Variants in FKBP9 observed in about 807,000 individuals in gnomAD.
FKBP9 encodes FKBP prolyl isomerase 9.
FKBP9 carries 27 observed loss-of-function variants against 55.6 expected under a neutral mutation model. The ratio of observed to expected loss-of-function variants is 0.49; its 90% CI spans 0.36 to 0.67. FKBP9 has a LOEUF of 0.67. Among genes scored for constraint, FKBP9 ranks in the 30% least tolerant of loss-of-function variants. FKBP9 has a pLI of 0.00. For missense variants in FKBP9, 539 were observed against 742.8 expected (o/e 0.73, Z 3.19); for synonymous variants, 267 against 296.5 (o/e 0.90, Z 1.02).
intron 1 of FKBP9, among the ~76,000 whole-genome samples, chr7:32,964,004 C>G (rs1037913356): frequency 5.3e-5 from 8 of 152,254 alleles, no homozygotes; most frequent in African/African-American, 1.9e-4. Context: ...AGCCAGGATG[C>G]AGTCAGGGGG....
At chr7:33,001,241 T>C (rs1320660263) in intron 8 of FKBP9, among the ~76,000 whole-genome samples, 1 of 152,194 alleles carries the variant, frequency 6.6e-6, no homozygotes, top group Non-Finnish European at 1.5e-5. Flanking sequence ...GAAGAAACGC[T>C]TTAAAAATTG....
In FKBP9 at chr7:32,996,259, C is replaced by T. The variant is rs538418163; in HGVS notation, c.1136C>T (p.Pro379Leu). The change falls in exon 7 of 10, where the codon CCC becomes CTC. Residue 379 changes from proline (P) to leucine (L), a missense_variant. This residue lies in a region of FKBP9 where 172 missense variants were observed against 205.3 expected (regional missense o/e 0.84). Coordinates refer to ENST00000242209, the MANE Select transcript of FKBP9 (RefSeq NM_007270.5). ...DSISITSHYK[P>L]PDCSVLSKKG... The stretch of plus-strand genomic sequence containing the variant: ...ATCAGCATCACCTCCCACTACAAAC[C>T]CCCTGACTGCTCAGTGCTGAGTAAG... 1 of 1,614,072 alleles carries T rather than the reference C, an allele frequency of 6.2e-7. No homozygotes were observed. The highest frequency in any genetic ancestry group is 1.3e-5 in the African/African-American group (1 of 75,040).
intron 5 of FKBP9, among the ~76,000 whole-genome samples, chr7:32,984,705 G>A (rs1324816873): frequency 6.6e-6 from 1 of 152,132 alleles, no homozygotes; most frequent in Non-Finnish European, 1.5e-5. Flanking sequence ...GCTCATAAAT[G>A]CTTTCATATT....
intron 7 of FKBP9, among the ~76,000 whole-genome samples, chr7:32,997,756 A>G (rs1784847338): frequency 6.6e-6 from 1 of 152,150 alleles, no homozygotes. Context: ...TGAATCTGGG[A>G]GGTAGAGGTT....
In FKBP9 at chr7:33,003,228, C is replaced by CA. The variant is rs533806938; in HGVS notation, c.1536+390dup. On this transcript the variant is annotated intron_variant, in intron 9 of 9. Transcript: ENST00000242209. ...ACTTGTCCAAGGTCACACATCTACT[C>CA]AGTTGTTTGAGCCAGGACCACACTC... 2.8e-3 allele frequency among the ~76,000 whole-genome samples: 421 copies of CA among 152,306 alleles called. 2 individuals carry two copies. Among genetic ancestry groups the CA allele is most frequent in the African/African-American group, 9.9e-3 (411 of 41,560 alleles).
chr7:32,980,455 G>T lies in FKBP9; in HGVS notation c.795G>T (p.Lys265Asn). 6.2e-7 allele frequency: 1 copy of T among 1,613,864 alleles called. No individual in the cohort carries two copies. Among genetic ancestry groups the T allele is most frequent in the Non-Finnish European group, 8.5e-7 (1 of 1,179,864 alleles). Reference sequence around the variant, plus strand: ...AGGACAGCATTTCCATTGAGAACAAGGTAGTACCTGAAAACTGTGAGCGGA... The same window carrying T: ...AGGACAGCATTTCCATTGAGAACAATGTAGTACCTGAAAACTGTGAGCGGA... ...NPKDSISIEN[K>N]VVPENCERIS... is the part of the protein sequence containing the mutation. The change falls in exon 5 of 10, where the codon AAG (lysine) becomes AAT (asparagine). Residue 265 changes from lysine to asparagine, a missense_variant. Physicochemically the swap from Lys to Asn is moderately conservative, Grantham distance 94 (BLOSUM62 0). This residue lies in a region of FKBP9 where 172 missense variants were observed against 205.3 expected (regional missense o/e 0.84). Coordinates refer to ENST00000242209, the MANE Select transcript of FKBP9 (RefSeq NM_007270.5).
At chr7:32,964,322 A>T (rs1303088964) in intron 1 of FKBP9, among the ~76,000 whole-genome samples, 1 of 152,240 alleles carries the variant, frequency 6.6e-6, no homozygotes, top group Non-Finnish European at 1.5e-5. Flanking sequence ...TTAACAATTT[A>T]ATTTGGCTGT....
At chr7:32,982,982 T>TTG (rs1420090054) in intron 5 of FKBP9, among the ~76,000 whole-genome samples, 3 of 77,836 alleles carry the variant, frequency 3.9e-5, no homozygotes, top group African/African-American at 1.1e-4. Flanking sequence ...GGGTCAAAGG[T>TTG]TATGTGTGTG....
chr7:32,996,265 A>T lies in FKBP9; in HGVS notation c.1142A>T (p.Asp381Val). ...ISITSHYKPPDCSVLSKKGDY... is the reference protein window; with the variant it reads ...ISITSHYKPPVCSVLSKKGDY... ...ATCACCTCCCACTACAAACCCCCTG[A>T]CTGCTCAGTGCTGAGTAAGAAGGGA... The change falls in exon 7 of 10, where the codon GAC becomes GTC. Residue 381 changes from aspartate to valine, a missense_variant. This residue lies in a region of FKBP9 where 172 missense variants were observed against 205.3 expected (regional missense o/e 0.84). Transcript: ENST00000242209. 1 of 1,614,072 alleles carries T rather than the reference A, an allele frequency of 6.2e-7. No individual in the cohort carries two copies. The highest frequency in any genetic ancestry group is 8.5e-7 in the Non-Finnish European group (1 of 1,179,968).
intron 1 of FKBP9, among the ~76,000 whole-genome samples, chr7:32,968,878 G>A (rs1404908771): frequency 6.6e-6 from 1 of 151,526 alleles, no homozygotes; most frequent in Admixed American, 6.6e-5. Flanking sequence ...GGCTGGTCTT[G>A]AACTCCTGAC....
chr7:32,989,785 T>C (rs559637015), intron 6 of FKBP9, among the ~76,000 whole-genome samples: 1 of 152,274 alleles, frequency 6.6e-6, no homozygotes, highest in African/African-American at 2.4e-5. Flanking sequence ...ATCTATGTTC[T>C]AATCCCCAGA....
chr7:32,971,149 C>T (rs1457433234), intron 1 of FKBP9, among the ~76,000 whole-genome samples: 2 of 151,926 alleles, frequency 1.3e-5, no homozygotes, highest in African/African-American at 4.8e-5. Context: ...TAAATGCTTA[C>T]TCCAGAGTGT....
At chr7:32,977,797 A>G (rs1562567210) in intron 4 of FKBP9, among the ~76,000 whole-genome samples, 2 of 143,282 alleles carry the variant, frequency 1.4e-5, no homozygotes, top group Non-Finnish European at 3.0e-5. Flanking sequence ...ATATATATAT[A>G]TATACTTATA....
intron 1 of FKBP9, among the ~76,000 whole-genome samples, chr7:32,959,322 G>T (rs767001760): frequency 6.6e-6 from 1 of 152,218 alleles, no homozygotes; most frequent in Non-Finnish European, 1.5e-5. Context: ...GGAGAATGGC[G>T]TGAACCTGGG....
Position 33,005,829 on chromosome 7 carries a change from T to A in FKBP9, c.*478T>A. 4.3e-6 allele frequency: 1 copy of A among 233,632 alleles called. No homozygotes were observed. The highest frequency in any genetic ancestry group is 8.4e-6 in the Non-Finnish European group (1 of 118,556). The allele number at this position is 233,632 out of a possible 1,614,324, so 14.5% of individuals were successfully genotyped here. On this transcript the variant is annotated 3_prime_UTR_variant, in exon 10 of 10. Coordinates refer to ENST00000242209, the MANE Select transcript of FKBP9 (RefSeq NM_007270.5). ...AAGGGCTTGCTTGCCCCAGCAGAGT[T>A]CCCAGCAGACAGCCATGGCTCTTCC...
chr7:32,964,856 A>G (rs996022614), intron 1 of FKBP9, among the ~76,000 whole-genome samples: 4 of 152,182 alleles, frequency 2.6e-5, no homozygotes, highest in African/African-American at 9.7e-5. Context: ...GTCTGCAGTA[A>G]GATCAGTCTC....
At chr7:32,986,346 G>T (rs1784576014) in intron 5 of FKBP9, among the ~76,000 whole-genome samples, 1 of 152,232 alleles carries the variant, frequency 6.6e-6, no homozygotes. Flanking sequence ...CCTTTGTCGG[G>T]AGCCCACCAC....
Position 33,006,808 on chromosome 7 carries a change from A to T in FKBP9, c.*1457A>T, listed in dbSNP as rs1278345952. The T allele has an allele frequency of 5.0e-6, 1 of 199,440 alleles. No homozygotes were observed. The highest frequency in any genetic ancestry group is 1.0e-5 in the Non-Finnish European group (1 of 96,632). The allele number at this position is 199,440 out of a possible 1,614,324, so 12.4% of individuals were successfully genotyped here. On this transcript the variant is annotated 3_prime_UTR_variant, in exon 10 of 10. Coordinates refer to ENST00000242209, the MANE Select transcript of FKBP9 (RefSeq NM_007270.5). ...TTTCCCTTTGAAACTACTTTATTTTACTAATTTAAACTATTTTGTACTGAT... is the reference window on the plus strand; with the variant it reads ...TTTCCCTTTGAAACTACTTTATTTTTCTAATTTAAACTATTTTGTACTGAT...
At chr7:32,968,420 T>C (rs1215991607) in intron 1 of FKBP9, among the ~76,000 whole-genome samples, 3 of 152,182 alleles carry the variant, frequency 2.0e-5, no homozygotes, top group Admixed American at 2.0e-4. Flanking sequence ...CAGACCATTT[T>C]CTAGAGCAAG....
Sources: gnomAD v4.1 joint callset for allele counts (sites outside exome capture counted in the v4.1 genomes callset) on GRCh38, gnomAD v4.1.1 for gene constraint, gnomAD v4.1.1 regional missense constraint, MANE v1.5 for transcripts, NCBI Gene and HGNC (gene_info 2026-07-23, HGNC 2026-07-21) for gene names.